NCOR2: variants seen among roughly 807,000 people sequenced by gnomAD.
NCOR2 encodes nuclear receptor corepressor 2.
Under a neutral mutation model 262.9 loss-of-function variants are expected in NCOR2, and 81 were observed. The ratio of observed to expected loss-of-function variants is 0.31; its 90% CI spans 0.26 to 0.37. The LOEUF is 0.37. NCOR2 is among the 10% of genes least tolerant of loss of function. The pLI is 1.00. For synonymous variants in NCOR2, 1,659 were observed against 1,559.3 expected (o/e 1.06, Z -1.51); for missense variants, 3,385 against 3,621.4 (o/e 0.93, Z 1.68).
At chr12:124,386,651 C>T (rs2040827075) in intron 16 of NCOR2, among the ~76,000 whole-genome samples, 1 of 152,210 alleles carries the variant, frequency 6.6e-6, no homozygotes, top group African/African-American at 2.4e-5. Context: ...AAAAAGCTCC[C>T]TCCATCACTA....
At chr12:124,342,982 TC>T in intron 33 of NCOR2, 22 bp downstream of exon 35, 2 of 1,608,982 alleles carry the variant, frequency 1.2e-6, no homozygotes, top group Non-Finnish European at 8.5e-7. Context: ...ACTGCAGGGT[TC>T]TGGGAGCCCC....
chr12:124,558,269 C>A (rs1026216933), intron 1 of NCOR2, among the ~76,000 whole-genome samples: 1 of 151,208 alleles, frequency 6.6e-6, no homozygotes, highest in African/African-American at 2.4e-5. Context: ...CCCACCCACC[C>A]CCCCTCCAGA....
In NCOR2 at chr12:124,354,599, G is replaced by T. The variant is rs140634945; in HGVS notation, c.3485-17C>A. On this transcript the variant is annotated splice_polypyrimidine_tract_variant and intron_variant, in intron 25 of 46. Transcript: ENST00000405201. ...TGAAGGGTGCTGAGGACCAGTAAGA[G>T]GAGCGAGTCACGTGCTGCCGGAGCA... is the stretch of plus-strand genomic sequence containing the variant. 889 of 1,534,680 alleles carry T rather than the reference G, an allele frequency of 5.8e-4. 6 individuals are homozygous for T. The highest frequency in any genetic ancestry group is 9.6e-5 in the African/African-American group (7 of 72,872).
intron 1 of NCOR2, among the ~76,000 whole-genome samples, chr12:124,558,777 T>C (rs2051970476): frequency 6.6e-6 from 1 of 152,056 alleles, no homozygotes; most frequent in Non-Finnish European, 1.5e-5. Context: ...TACGACACGG[T>C]CTGCAGGGAC....
At chr12:124,543,913 C>G (rs76880782) in intron 1 of NCOR2, among the ~76,000 whole-genome samples, 1 of 152,222 alleles carries the variant, frequency 6.6e-6, no homozygotes, top group African/African-American at 2.4e-5. Flanking sequence ...TCGCTGCCTC[C>G]GCACAATGCT....
At chr12:124,367,693 C>A (rs894418611) in intron 20 of NCOR2, among the ~76,000 whole-genome samples, 2 of 152,146 alleles carry the variant, frequency 1.3e-5, no homozygotes, top group Non-Finnish European at 2.9e-5. Flanking sequence ...AGTGCAGTGG[C>A]ACAATCTTGG....
chr12:124,457,003 G>T lies in NCOR2; in HGVS notation c.762+103C>A, dbSNP rs2045910340. 2.0e-6 allele frequency: 2 copies of T among 1,012,578 alleles called. No homozygotes were observed. Among genetic ancestry groups the T allele is most frequent in the Non-Finnish European group, 1.3e-6 (1 of 746,330 alleles). The allele number at this position is 1,012,578 out of a possible 1,614,324, so 62.7% of individuals were successfully genotyped here. On this transcript the variant is annotated intron_variant, in intron 6 of 46. Coordinates refer to ENST00000405201, the Ensembl canonical transcript of NCOR2. This position sits in a 1 kb window ranked among gnomAD's most constrained non-coding sequence, Gnocchi z 4.0. ...GCGGACGCCGCCTGGGCAGCGCTTG[G>T]TAATAGATGACTTCCTCCTCCGCCG...
intron 15 of NCOR2, among the ~76,000 whole-genome samples, chr12:124,400,080 C>A (rs1157435743): frequency 6.6e-6 from 1 of 152,114 alleles, no homozygotes; most frequent in African/African-American, 2.4e-5. Context: ...CCAAGCGTGG[C>A]CAGATCTTCT....
At chr12:124,538,754 TAG>T (rs2051196087), upstream of NCOR2, 1 of 152,630 alleles carries the variant, frequency 6.6e-6, no homozygotes, top group South Asian at 2.1e-4. Flanking sequence ...CATCATGCAT[TAG>T]AGAGTCCGAA....
At chr12:124,526,020 A>G (rs765626537) in intron 1 of NCOR2, among the ~76,000 whole-genome samples, 4 of 152,214 alleles carry the variant, frequency 2.6e-5, no homozygotes, top group Non-Finnish European at 5.9e-5. Flanking sequence ...CAAGAAAAGG[A>G]TCAGGAAATG....
In NCOR2 at chr12:124,523,875, C is replaced by T. The variant is rs2050321336; in HGVS notation, c.-118+11690G>A. 6.6e-6 allele frequency among the ~76,000 whole-genome samples: 1 copy of T among 152,196 alleles called. No homozygotes were observed. The highest frequency in any genetic ancestry group is 2.1e-4 in the South Asian group (1 of 4,832). The stretch of plus-strand genomic sequence containing the variant: ...GAAGTGGCAATGTCGGTTTTGAACT[C>T]AGCAAGTGTGAAACCCGCATCTACG... On this transcript the variant is annotated intron_variant, in intron 1 of 46. Coordinates refer to the NCOR2 transcript ENST00000404621. The surrounding 1 kb of genome is among the most constrained non-coding windows in gnomAD (Gnocchi z 4.0).
Position 124,388,086 on chromosome 12 carries a change from G to A in NCOR2, c.1877-2199C>T, listed in dbSNP as rs1270024148. 3.3e-5 allele frequency among the ~76,000 whole-genome samples: 5 copies of A among 151,758 alleles called. No homozygotes were observed. The South Asian group carries it at 1.0e-3, about 32-fold the overall frequency. On this transcript the variant is annotated intron_variant, in intron 16 of 46. Transcript: ENST00000405201. ...TGAGGGCAGAGGAGAGGGGATGGAG[G>A]TGGGGGTGGGGGTCACCCAGCCCTT...
At chr12:124,471,312 T>C (rs1593702995) in intron 4 of NCOR2, among the ~76,000 whole-genome samples, 1 of 152,180 alleles carries the variant, frequency 6.6e-6, no homozygotes, top group East Asian at 1.9e-4. Flanking sequence ...TTGATCCTCC[T>C]TGGAGCCCCT....
At chr12:124,521,353 C>T (rs539373002) in intron 1 of NCOR2, among the ~76,000 whole-genome samples, 2 of 152,250 alleles carry the variant, frequency 1.3e-5, no homozygotes, top group South Asian at 4.1e-4. Flanking sequence ...GTGACCTGGG[C>T]AGCCTCAGTT....
intron 44 of NCOR2, chr12:124,328,879 G>C (rs578022059): frequency 1.7e-5 from 4 of 228,652 alleles, no homozygotes; most frequent in Non-Finnish European, 2.7e-5. Flanking sequence ...TTTCAAATAC[G>C]TTTGTAGCCA....
intron 44 of NCOR2, among the ~76,000 whole-genome samples, 196 bp downstream of exon 46, chr12:124,330,649 T>G (rs1317717581): frequency 6.6e-6 from 1 of 152,216 alleles, no homozygotes; most frequent in Non-Finnish European, 1.5e-5. Context: ...ACAGCGAGGA[T>G]CCTGTCTACA....
chr12:124,388,582 T>C, intron 16 of NCOR2: 1 of 1,206,272 alleles, frequency 8.3e-7, no homozygotes, highest in Non-Finnish European at 1.1e-6. Context: ...GGCCCAGAAC[T>C]CCGACTCCCC....
chr12:124,329,346 C>T (rs184085176), intron 44 of NCOR2, among the ~76,000 whole-genome samples: 4 of 152,062 alleles, frequency 2.6e-5, no homozygotes, highest in East Asian at 1.9e-4. Context: ...TCTGTAATCC[C>T]GCTACTTGGG....
intron 24 of NCOR2, chr12:124,355,175 A>G (rs2037851680): frequency 4.9e-6 from 3 of 612,264 alleles, no homozygotes; most frequent in Non-Finnish European, 8.5e-6. Context: ...TGGGGGAAAC[A>G]GGAGGTTAAG....
Sources: gnomAD v4.1 joint callset for allele counts (sites outside exome capture counted in the v4.1 genomes callset) on GRCh38, gnomAD v4.1.1 for gene constraint, Gnocchi (gnomAD v3.1) non-coding constraint, MANE v1.5 for transcripts, NCBI Gene and HGNC (gene_info 2026-07-23, HGNC 2026-07-21) for gene names.